The following DNAJB14 variants were observed in gnomAD, a reference collection of about 807,000 sequenced individuals.
The protein encoded by DNAJB14 is dnaJ homolog subfamily B member 14.
A neutral mutation model predicts 48.4 loss-of-function variants in DNAJB14; 22 were observed. The observed-to-expected ratio is 0.45, with a 90% CI of 0.32 to 0.65. The LOEUF (loss-of-function observed/expected upper bound fraction) is 0.65, where lower values mean the gene tolerates loss of function less well. Ranked by LOEUF, DNAJB14 falls within the 30% of genes least tolerant of loss-of-function variation. The pLI, the probability that DNAJB14 is intolerant of heterozygous loss-of-function variation, is 0.03. For missense variants in DNAJB14, 319 were observed against 458.8 expected (o/e 0.70, Z 2.78); for synonymous variants, 142 against 158.7 (o/e 0.89, Z 0.79).
chr4:99,916,929 T>TA (rs376956997), intron 3 of DNAJB14, among the ~76,000 whole-genome samples: 41 of 152,116 alleles, frequency 2.7e-4, no homozygotes, highest in Admixed American at 3.3e-4. Context: ...AATCGAGAGA[T>TA]AGAGACCATC....
At chr4:99,946,316 T>C in intron 1 of DNAJB14, 123 bp downstream of exon 1, 2 of 1,450,776 alleles carry the variant, frequency 1.4e-6, no homozygotes, top group Non-Finnish European at 1.9e-6. Flanking sequence ...GGCCTGGGGC[T>C]GGGGCTGGCT....
At chr4:99,906,646 G>A in intron 4 of DNAJB14, 35 bp from the exon 5 acceptor site, 3 of 1,501,286 alleles carry the variant, frequency 2.0e-6, no homozygotes, top group Non-Finnish European at 2.7e-6. Flanking sequence ...ATTAGGGAGA[G>A]CAATTATGAT....
In DNAJB14 at chr4:99,901,230, C is replaced by T. The variant is rs147884911; in HGVS notation, c.1016-78G>A. ...TTGCTTAAGCTCAAGTGATGCTTTA[C>T]AGGAGCCCTTTGATATATTTTGATT... is the stretch of plus-strand genomic sequence containing the variant. On this transcript the variant is annotated intron_variant, in intron 7 of 7. Coordinates refer to ENST00000442697, the MANE Select transcript of DNAJB14 (RefSeq NM_001031723.4). 4 of 1,262,914 alleles carry T rather than the reference C, an allele frequency of 3.2e-6. No individual in the cohort carries two copies. In the African/African-American group the frequency reaches 6.2e-5, roughly 20 times the overall value. 78.2% of individuals were successfully genotyped at this position (1,262,914 alleles called of 1,614,324 possible).
chr4:99,939,301 G>A (rs1726804889), intron 1 of DNAJB14, among the ~76,000 whole-genome samples: 1 of 152,242 alleles, frequency 6.6e-6, no homozygotes, highest in Non-Finnish European at 1.5e-5. Flanking sequence ...GATGGAGGTT[G>A]CAGTGAGCCA....
intron 2 of DNAJB14, chr4:99,926,552 A>T (rs1369396668): frequency 6.6e-6 from 1 of 152,146 alleles, no homozygotes; most frequent in East Asian, 1.9e-4. Flanking sequence ...TAAAGCCATT[A>T]CTACTTGGTT....
intron 2 of DNAJB14, chr4:99,925,107 G>A (rs1004073569): frequency 2.7e-6 from 1 of 373,692 alleles, no homozygotes; most frequent in Non-Finnish European, 4.9e-6. Context: ...AAAATCTACA[G>A]ATGCTCAAAT....
intron 1 of DNAJB14, among the ~76,000 whole-genome samples, chr4:99,935,022 CAAGAG>C (rs1726622453): frequency 6.6e-6 from 1 of 151,016 alleles, no homozygotes; most frequent in African/African-American, 2.4e-5. Flanking sequence ...AAAAAAATTT[CAAGAG>C]AAAACAGCAA....
intron 3 of DNAJB14, among the ~76,000 whole-genome samples, chr4:99,920,233 T>C (rs946290157): frequency 3.9e-5 from 6 of 152,228 alleles, no homozygotes; most frequent in African/African-American, 1.4e-4. Flanking sequence ...TTCCCCCTTA[T>C]GAATTATAAA....
At chr4:99,935,448 CT>C (rs1726638450) in intron 1 of DNAJB14, among the ~76,000 whole-genome samples, 1 of 152,184 alleles carries the variant, frequency 6.6e-6, no homozygotes, top group South Asian at 2.1e-4. Context: ...ACAAGCCCTT[CT>C]GGGAATCCAC....
rs921953680 is a variant in DNAJB14 at position 99,946,469 on chromosome 4, C to T, written c.103G>A (p.Glu35Lys). ...EKAQRFLQKA[E>K]KLYPLPSARA... ...GCCGAGGGCAGTGGGTAGAGCTTCT[C>T]GGCCTTCTGCAGGAAGCGCTGGGCC... The change falls in exon 1 of 8, where the codon GAG becomes AAG. Residue 35 changes from glutamate (E) to lysine (K), a missense_variant. Glu to Lys is a moderately conservative substitution (Grantham distance 56). Coordinates refer to ENST00000442697, the MANE Select transcript of DNAJB14 (RefSeq NM_001031723.4). 3.1e-6 allele frequency: 5 copies of T among 1,613,292 alleles called. No homozygotes were observed. Among genetic ancestry groups the T allele is most frequent in the South Asian group, 1.1e-5 (1 of 91,004 alleles).
intron 1 of DNAJB14, 74 bp downstream of exon 1, chr4:99,946,365 C>A: frequency 1.3e-6 from 2 of 1,545,122 alleles, no homozygotes; most frequent in East Asian, 4.9e-5. Context: ...CAGGAGGGGC[C>A]GAGGTGGGGG....
At chr4:99,901,178 T>G (rs965974507) in intron 7 of DNAJB14, 26 bp from the exon 8 acceptor site, 7 of 1,563,046 alleles carry the variant, frequency 4.5e-6, no homozygotes, top group Non-Finnish European at 6.0e-6. Flanking sequence ...AATATTTTGC[T>G]AATTGAATAA....
chr4:99,946,243 C>G (rs1382563507), intron 1 of DNAJB14, among the ~76,000 whole-genome samples, 196 bp downstream of exon 1: 3 of 152,148 alleles, frequency 2.0e-5, no homozygotes, highest in Admixed American at 6.5e-5. Context: ...CAGCATTCCC[C>G]GAGCCCCAGC....
At chr4:99,936,044 G>A (rs900523152) in intron 1 of DNAJB14, among the ~76,000 whole-genome samples, 1 of 152,028 alleles carries the variant, frequency 6.6e-6, no homozygotes, top group Non-Finnish European at 1.5e-5. Context: ...CTCCAACCTC[G>A]GTGACACAGA....
intron 3 of DNAJB14, among the ~76,000 whole-genome samples, chr4:99,915,914 C>T (rs77347098): frequency 0.027 from 4,169 of 152,122 alleles, 85 homozygotes; most frequent in African/African-American, 0.055. Context: ...AGCTGTCTTT[C>T]GGTGCATATA....
At chr4:99,938,338 A>G (rs1196704418) in intron 1 of DNAJB14, among the ~76,000 whole-genome samples, 1 of 147,406 alleles carries the variant, frequency 6.8e-6, no homozygotes, top group African/African-American at 2.5e-5. Flanking sequence ...ACATGTGGAC[A>G]TGTGCTTTTT....
intron 3 of DNAJB14, among the ~76,000 whole-genome samples, chr4:99,917,886 T>C (rs1725911825): frequency 6.6e-6 from 1 of 152,220 alleles, no homozygotes; most frequent in African/African-American, 2.4e-5. Flanking sequence ...GCGTCATTTC[T>C]CTTTTGCTGT....
chr4:99,931,131 C>G (rs1168973968), intron 1 of DNAJB14, among the ~76,000 whole-genome samples: 1 of 152,004 alleles, frequency 6.6e-6, no homozygotes, highest in Non-Finnish European at 1.5e-5. Context: ...AAATTTATCA[C>G]TAAAAGATTT....
chr4:99,900,892 A>G lies in DNAJB14; in HGVS notation c.*136T>C, dbSNP rs1362485062. On this transcript the variant is annotated 3_prime_UTR_variant, in exon 8 of 8. Transcript: ENST00000442697. ...TTAAAGGAGCCAGTAGGTCATAAAC[A>G]GTCCAAGATTTCAGGAACCAACTAT... The G allele has an allele frequency of 1.1e-6, 1 of 912,890 alleles. No homozygotes were observed. Among genetic ancestry groups the G allele is most frequent in the African/African-American group, 1.7e-5 (1 of 57,604 alleles). 56.5% of individuals were successfully genotyped at this position (912,890 alleles called of 1,614,324 possible). A position where few individuals can be genotyped will look rare whatever the true frequency, so the allele number is the denominator to read the frequency against.
Sources: gnomAD v4.1 joint callset for allele counts (sites outside exome capture counted in the v4.1 genomes callset) on GRCh38, gnomAD v4.1.1 for gene constraint, MANE v1.5 for transcripts, NCBI Gene and HGNC (gene_info 2026-07-23, HGNC 2026-07-21) for gene names.